BRPF3: variants seen among roughly 807,000 people sequenced by gnomAD.
BRPF3 encodes bromodomain and PHD finger containing 3, also known as bromodomain and PHD finger-containing protein 3.
Under a neutral mutation model 102.0 loss-of-function variants are expected in BRPF3, and 18 were observed. That is an observed-to-expected ratio of 0.18 (90% CI 0.12 to 0.26). BRPF3 has a LOEUF of 0.26. Among genes scored for constraint, BRPF3 ranks in the 10% least tolerant of loss-of-function variants. The pLI, the probability that BRPF3 is intolerant of heterozygous loss-of-function variation, is 1.00. For synonymous variants in BRPF3, 570 were observed against 614.2 expected, an observed-to-expected ratio of 0.93 and a Z score of 1.06; for missense variants, 1,147 against 1,567.8, an observed-to-expected ratio of 0.73 and a Z score of 4.53.
intron 7 of BRPF3, among the ~76,000 whole-genome samples, chr6:36,211,866 A>C (rs1457571729): frequency 6.6e-6 from 1 of 152,226 alleles, no homozygotes; most frequent in Non-Finnish European, 1.5e-5. Flanking sequence ...GCTGCAGCCC[A>C]GCAGCTGTTT....
At chr6:36,220,728 G>A (rs1768505694) in intron 9 of BRPF3, among the ~76,000 whole-genome samples, 1 of 152,212 alleles carries the variant, frequency 6.6e-6, no homozygotes, top group Non-Finnish European at 1.5e-5. Flanking sequence ...AATCCTAAAT[G>A]TAAACTGGGT....
chr6:36,225,422 C>G, intron 11 of BRPF3, 58 bp downstream of exon 11: 2 of 1,465,268 alleles, frequency 1.4e-6, no homozygotes. Context: ...GGGGGCTAAT[C>G]TGATTGGATT....
chr6:36,209,643 T>C, intron 4 of BRPF3, 144 bp from the exon 5 acceptor site: 1 of 949,108 alleles, frequency 1.1e-6, no homozygotes, highest in Non-Finnish European at 1.5e-6. Context: ...AAAGGTTGGG[T>C]GATAGCTTCT....
chr6:36,206,667 T>C (rs1767917527), intron 3 of BRPF3, among the ~76,000 whole-genome samples: 1 of 152,228 alleles, frequency 6.6e-6, no homozygotes, highest in African/African-American at 2.4e-5. Flanking sequence ...CATCCATGTC[T>C]GTCACCTACC....
At chr6:36,228,071 G>A (rs1432494372) in intron 11 of BRPF3, among the ~76,000 whole-genome samples, 4 of 152,218 alleles carry the variant, frequency 2.6e-5, no homozygotes, top group Admixed American at 6.5e-5. Context: ...GGAGGCCCAA[G>A]CCTTGTTTGG....
At chr6:36,202,430 C>T (rs924099913) in intron 2 of BRPF3, among the ~76,000 whole-genome samples, 3 of 149,920 alleles carry the variant, frequency 2.0e-5, no homozygotes, top group Non-Finnish European at 3.0e-5. Flanking sequence ...CCTCCGCCCC[C>T]GCCATTGAGT....
At position 36,210,613 on chromosome 6, in the gene BRPF3, C is replaced by G; in HGVS notation, c.2179+85C>G. On this transcript the variant is annotated intron_variant, in intron 6 of 12. Coordinates refer to ENST00000357641, the MANE Select transcript of BRPF3 (RefSeq NM_015695.3). This position sits in a 1 kb window ranked among gnomAD's most constrained non-coding sequence, Gnocchi z 4.7. ...TACAGAGTGAGGGATCAGGGTGGTC[C>G]TTGGGGCTATAGGTAGACTCCAGGA... The G allele has an allele frequency of 7.5e-7, 1 of 1,340,168 alleles. No individual in the cohort carries two copies. The highest frequency in any genetic ancestry group is 1.0e-6 in the Non-Finnish European group (1 of 991,036). 83.0% of individuals were successfully genotyped at this position (1,340,168 alleles called of 1,614,324 possible).
In BRPF3 at chr6:36,201,645, C is replaced by G. The variant is rs1300953921; in HGVS notation, c.1323C>G (p.Leu441=). Residue 441 remains leucine (L), a synonymous_variant, in exon 2 of 13, where the codon CTC becomes CTG. Coordinates refer to ENST00000357641, the MANE Select transcript of BRPF3 (RefSeq NM_015695.3). This position sits in a 1 kb window ranked among gnomAD's most constrained non-coding sequence, Gnocchi z 5.1. The part of the protein sequence containing the change: ...QEAQGGVSGS[L]KGVPKKSKMS... The stretch of plus-strand genomic sequence containing the variant: ...CTCAAGGCGGGGTGAGTGGCTCCCT[C>G]AAGGGAGTGCCCAAGAAAAGCAAGA... The G allele has an allele frequency of 6.2e-7, 1 of 1,614,148 alleles. No individual in the cohort carries two copies. The highest frequency in any genetic ancestry group is 1.3e-5 in the African/African-American group (1 of 75,028).
chr6:36,230,576 G>A lies in BRPF3; in HGVS notation c.3585G>A (p.Gly1195=), dbSNP rs748425270. The A allele has an allele frequency of 3.1e-6, 5 of 1,614,102 alleles. No individual in the cohort carries two copies. The highest frequency in any genetic ancestry group is 4.2e-6 in the Non-Finnish European group (5 of 1,179,984). ...RAMIHLSRVR[G]PHSFVTSSYL The stretch of plus-strand genomic sequence containing the variant: ...TGATCCACCTGAGCAGAGTCCGGGG[G>A]CCCCACTCCTTCGTCACTTCCAGCT... The change falls in exon 13 of 13, where the codon GGG becomes GGA. Residue 1195 remains glycine, a synonymous_variant. Coordinates refer to ENST00000357641, the MANE Select transcript of BRPF3 (RefSeq NM_015695.3). This position sits in a 1 kb window ranked among gnomAD's most constrained non-coding sequence, Gnocchi z 5.4.
intron 10 of BRPF3, among the ~76,000 whole-genome samples, chr6:36,223,272 T>TA (rs1768614747): frequency 6.6e-6 from 1 of 152,208 alleles, no homozygotes; most frequent in South Asian, 2.1e-4. Context: ...ATCAGTTTCT[T>TA]TCTCGTATGT....
intron 1 of BRPF3, among the ~76,000 whole-genome samples, chr6:36,198,462 C>T (rs1225377606): frequency 8.5e-5 from 13 of 152,112 alleles, no homozygotes. Flanking sequence ...GTTCTTAATT[C>T]CCACTGAGAG....
intron 10 of BRPF3, 134 bp from the exon 11 acceptor site, chr6:36,225,133 G>T (rs933728170): frequency 1.5e-6 from 1 of 652,982 alleles, no homozygotes; most frequent in African/African-American, 1.8e-5. Context: ...GAAAGGAGAG[G>T]GAAAAGGAAG....
chr6:36,207,459 C>T lies in BRPF3; in HGVS notation c.1737+15C>T, dbSNP rs757466859. 11 of 1,613,422 alleles carry T rather than the reference C, an allele frequency of 6.8e-6. No homozygotes were observed. The highest frequency in any genetic ancestry group is 7.6e-6 in the Non-Finnish European group (9 of 1,179,638). ...AACGAGAGCAGGTAAGGAGGAGCCC[C>T]CAGCCCTAGGGCCCTAGTTCAAGGC... On this transcript the variant is annotated intron_variant, in intron 4 of 12. Coordinates refer to ENST00000357641, the MANE Select transcript of BRPF3 (RefSeq NM_015695.3).
chr6:36,221,281 CTTTTTTTT>C (rs35018880), intron 9 of BRPF3, among the ~76,000 whole-genome samples: 7 of 76,704 alleles, frequency 9.1e-5, no homozygotes, highest in Non-Finnish European at 1.8e-4. Flanking sequence ...AATTGGTCTA[CTTTTTTTT>C]TTTTTTTTTT....
Position 36,225,382 on chromosome 6 carries a change from G to C in BRPF3, c.3279+18G>C, listed in dbSNP as rs377145256. ...CTGCCTTGGTGAGTCTGCCCCAGAC[G>C]CCACCCTCCTATCTCCCCTGCCTTG... On this transcript the variant is annotated intron_variant, in intron 11 of 12. Transcript: ENST00000357641. 5.6e-5 allele frequency: 89 copies of C among 1,601,450 alleles called. No homozygotes were observed. In the Middle Eastern group the frequency reaches 1.2e-3, roughly 21 times the overall value.
At chr6:36,206,300 C>G (rs905449044) in intron 3 of BRPF3, among the ~76,000 whole-genome samples, 2 of 152,172 alleles carry the variant, frequency 1.3e-5, no homozygotes, top group Admixed American at 1.3e-4. Context: ...TGGTGGGGAT[C>G]TGTCCTTTGG....
rs945964518 is a variant in BRPF3 at position 36,228,947 on chromosome 6, G to A, written c.3325G>A (p.Val1109Ile). ...MPREGLLHNG[V>I]PIPVPPLDVL... ...CCGGGAGGGCCTCCTGCACAATGGC[G>A]TTCCCATCCCTGTCCCCCCGCTGGA... is the stretch of plus-strand genomic sequence containing the variant. The change falls in exon 12 of 13, where the codon GTT (valine) becomes ATT (isoleucine). Residue 1109 changes from valine (V) to isoleucine (I), a missense_variant. Around this residue, in one of 11 missense-constraint regions of BRPF3, gnomAD observed 85 missense variants for 172.9 expected, o/e 0.49. Coordinates refer to ENST00000357641, the MANE Select transcript of BRPF3 (RefSeq NM_015695.3). 1.1e-5 allele frequency: 18 copies of A among 1,614,062 alleles called. No homozygotes were observed. The highest frequency in any genetic ancestry group is 1.7e-5 in the Admixed American group (1 of 60,008).
intron 11 of BRPF3, 131 bp downstream of exon 11, chr6:36,225,495 C>T (rs1768708649): frequency 1.3e-6 from 1 of 787,444 alleles, no homozygotes; most frequent in Non-Finnish European, 2.0e-6. Context: ...GGGGTTTTGC[C>T]CCAGCCTGAG....
rs1767640049 is a variant in BRPF3 at position 36,200,115 on chromosome 6, T to C, written c.-26-182T>C. 6.6e-6 allele frequency among the ~76,000 whole-genome samples: 1 copy of C among 152,184 alleles called. No individual in the cohort carries two copies. Among genetic ancestry groups the C allele is most frequent in the African/African-American group, 2.4e-5 (1 of 41,448 alleles). ...CAGAGAAGGTCTCACTGAGAAGTGT[T>C]GTTCACTTGAAGAAATGAAAGACTC... On this transcript the variant is annotated intron_variant, in intron 1 of 12. Coordinates refer to ENST00000357641, the MANE Select transcript of BRPF3 (RefSeq NM_015695.3). This position sits in a 1 kb window ranked among gnomAD's most constrained non-coding sequence, Gnocchi z 5.3.
Sources: allele counts gnomAD v4.1 joint callset (sites outside exome capture counted in the v4.1 genomes callset), GRCh38; gene constraint gnomAD v4.1.1; regional missense constraint gnomAD v4.1.1; non-coding constraint Gnocchi (gnomAD v3.1); transcripts MANE v1.5; gene names NCBI Gene and HGNC (gene_info 2026-07-23, HGNC 2026-07-21).